Variants in LRP1B observed in about 807,000 individuals in gnomAD.
LRP1B encodes the protein low-density lipoprotein receptor-related protein 1B.
A neutral mutation model predicts 556.6 loss-of-function variants in LRP1B; 217 were observed. The observed-to-expected ratio is 0.39, with a 90% confidence interval of 0.35 to 0.44. LRP1B has a LOEUF of 0.44. Ranked by LOEUF, LRP1B falls within the 20% of genes least tolerant of loss-of-function variation. The pLI, the probability that LRP1B is intolerant of heterozygous loss-of-function variation, is 1.00. For missense variants in LRP1B, 5,053 were observed against 5,620.8 expected (o/e 0.90, Z 3.23); for synonymous variants, 2,047 against 1,865.8 (o/e 1.10, Z -2.50).
At chr2:140,281,405 A>C (rs897477341) in intron 84 of LRP1B, among the ~76,000 whole-genome samples, 6 of 151,886 alleles carry the variant, frequency 4.0e-5, no homozygotes, top group Non-Finnish European at 5.9e-5. Context: ...TGTGAAATTT[A>C]AAGAGAAGAA....
At chr2:142,102,557 AAAAT>A (rs1041883461) in intron 1 of LRP1B, among the ~76,000 whole-genome samples, 79 of 116,604 alleles carry the variant, frequency 6.8e-4, no homozygotes, top group Admixed American at 1.0e-3. Flanking sequence ...ATAAAATAAA[AAAAT>A]AAAAAAGTAA....
At chr2:141,280,188 T>A (rs1685459406) in intron 3 of LRP1B, among the ~76,000 whole-genome samples, 2 of 152,100 alleles carry the variant, frequency 1.3e-5, no homozygotes, top group South Asian at 2.1e-4. Flanking sequence ...ATGCACATGC[T>A]CTGAATTACA....
At chr2:140,827,992 G>T (rs1434039286) in intron 31 of LRP1B, among the ~76,000 whole-genome samples, 1 of 151,660 alleles carries the variant, frequency 6.6e-6, no homozygotes. Flanking sequence ...GAAAAAAGCT[G>T]CTGAGCAAGA....
rs528248364 is a variant in LRP1B at position 140,710,165 on chromosome 2, ATTT to A, written c.6023+5805_6023+5807del. On this transcript the variant is annotated intron_variant, in intron 37 of 90. Coordinates refer to ENST00000389484, the MANE Select transcript of LRP1B (RefSeq NM_018557.3). ...AGCTCAAAATTAAGAAATCAAAAATATTTACTGAGATCCTCCTGCTGAGTCAGT... is the reference window on the plus strand; with the variant it reads ...AGCTCAAAATTAAGAAATCAAAAATAACTGAGATCCTCCTGCTGAGTCAGT... Among the ~76,000 whole-genome samples, 8 of 152,232 alleles carry A rather than the reference ATTT, an allele frequency of 5.3e-5. No homozygotes were observed. In the South Asian group the frequency reaches 1.7e-3, roughly 32 times the overall value.
chr2:141,597,849 C>A (rs926868758), intron 2 of LRP1B, among the ~76,000 whole-genome samples: 1 of 151,870 alleles, frequency 6.6e-6, no homozygotes, highest in African/African-American at 2.4e-5. Flanking sequence ...AGGAATGAGG[C>A]TTTGTGGCTT....
intron 31 of LRP1B, among the ~76,000 whole-genome samples, chr2:140,825,528 G>A (rs915328134): frequency 1.3e-5 from 2 of 151,914 alleles, no homozygotes; most frequent in South Asian, 2.1e-4. Context: ...TCTTCCCATC[G>A]GGATGTAAAC....
chr2:141,586,371 T>C (rs1015335454), intron 2 of LRP1B, among the ~76,000 whole-genome samples: 16 of 152,154 alleles, frequency 1.1e-4, no homozygotes, highest in African/African-American at 3.6e-4. Flanking sequence ...TTTTTTTATT[T>C]TGTAGAAATA....
chr2:140,802,886 T>C (rs1690564057), intron 32 of LRP1B, among the ~76,000 whole-genome samples: 1 of 152,066 alleles, frequency 6.6e-6, no homozygotes, highest in Admixed American at 6.5e-5. Context: ...GAAAGAGAGG[T>C]GCATATGTGA....
At chr2:140,349,664 T>C (rs891341165) in intron 77 of LRP1B, among the ~76,000 whole-genome samples, 3 of 151,998 alleles carry the variant, frequency 2.0e-5, no homozygotes, top group Non-Finnish European at 2.9e-5. Flanking sequence ...CCAAGGTAAG[T>C]CCACAGTATA....
chr2:140,376,998 A>T (rs1017731915), intron 68 of LRP1B, among the ~76,000 whole-genome samples: 1 of 152,178 alleles, frequency 6.6e-6, no homozygotes, highest in South Asian at 2.1e-4. Flanking sequence ...AGGTGAGTAC[A>T]TATGCTTCTC....
At chr2:140,631,046 C>T (rs1299148297) in intron 41 of LRP1B, among the ~76,000 whole-genome samples, 1 of 152,080 alleles carries the variant, frequency 6.6e-6, no homozygotes. Flanking sequence ...CAAGGCTCAG[C>T]CTCTCTTTGA....
chr2:141,639,321 T>G (rs1689228091), intron 2 of LRP1B, among the ~76,000 whole-genome samples: 1 of 18,780 alleles, frequency 5.3e-5, no homozygotes, highest in Non-Finnish European at 1.2e-4. Flanking sequence ...TATATATATA[T>G]ATATATATAT....
At chr2:141,242,195 G>T (rs1352991897) in intron 5 of LRP1B, among the ~76,000 whole-genome samples, 1 of 151,990 alleles carries the variant, frequency 6.6e-6, no homozygotes, top group Non-Finnish European at 1.5e-5. Flanking sequence ...ATACTATGTG[G>T]CAGAGAATTC....
chr2:140,813,614 C>A, intron 32 of LRP1B, 43 bp downstream of exon 32: 1 of 1,588,692 alleles, frequency 6.3e-7, no homozygotes, highest in Non-Finnish European at 8.6e-7. Context: ...AATCAACCCC[C>A]AATCAATACA....
intron 84 of LRP1B, among the ~76,000 whole-genome samples, chr2:140,277,154 G>C (rs1247587083): frequency 1.3e-5 from 2 of 151,796 alleles, no homozygotes; most frequent in African/African-American, 4.8e-5. Context: ...TATTCTGGAG[G>C]TTGATGAATG....
chr2:140,894,772 A>T (rs1017390642), intron 23 of LRP1B, among the ~76,000 whole-genome samples: 1 of 152,032 alleles, frequency 6.6e-6, no homozygotes, highest in Non-Finnish European at 1.5e-5. Flanking sequence ...AACATGGTGA[A>T]ACCCCGTCTC....
chr2:141,881,570 A>C (rs891945381), intron 1 of LRP1B, among the ~76,000 whole-genome samples: 1 of 152,138 alleles, frequency 6.6e-6, no homozygotes, highest in Admixed American at 6.6e-5. Flanking sequence ...ATTAATTTTT[A>C]AAAATCATCG....
chr2:141,479,866 T>C (rs10496880), intron 3 of LRP1B, among the ~76,000 whole-genome samples: 13,720 of 152,234 alleles, frequency 0.09, 847 homozygotes, highest in African/African-American at 0.17. Context: ...TATTGTACCA[T>C]TGTAGAATTT....
intron 23 of LRP1B, among the ~76,000 whole-genome samples, chr2:140,887,287 T>C (rs1693664635): frequency 6.6e-6 from 1 of 152,160 alleles, no homozygotes; most frequent in African/African-American, 2.4e-5. Context: ...AATGTTTGTG[T>C]TGGATGCACA....
Sources: gnomAD v4.1 joint callset for allele counts (sites outside exome capture counted in the v4.1 genomes callset) on GRCh38, gnomAD v4.1.1 for gene constraint, MANE v1.5 for transcripts, NCBI Gene and HGNC (gene_info 2026-07-23, HGNC 2026-07-21) for gene names.